Variants in IQUB observed in about 807,000 individuals in gnomAD.
IQUB encodes the protein IQ motif and ubiquitin domain containing.
In IQUB, 86 loss-of-function variants were observed where a neutral mutation model predicts 86.4. The ratio of observed to expected loss-of-function variants is 1.00; its 90% CI spans 0.84 to 1.19. The LOEUF (loss-of-function observed/expected upper bound fraction) is 1.19. Ranked by LOEUF, IQUB falls within the 50% of genes most tolerant of loss-of-function variation. IQUB has a pLI of 0.00. For missense variants in IQUB, 946 were observed against 916.9 expected (o/e 1.03, Z -0.41); for synonymous variants, 289 against 304.5 (o/e 0.95, Z 0.53).
intron 9 of IQUB, among the ~76,000 whole-genome samples, chr7:123,468,765 G>T (rs911233285): frequency 2.0e-5 from 3 of 152,128 alleles, no homozygotes; most frequent in Non-Finnish European, 4.4e-5. Context: ...CTCTGAGTTT[G>T]TTTCTTGTTT....
chr7:123,489,586 T>C (rs974809406), intron 7 of IQUB, among the ~76,000 whole-genome samples: 4 of 151,754 alleles, frequency 2.6e-5, no homozygotes, highest in Admixed American at 1.3e-4. Context: ...CAAATAAAAC[T>C]TCCACATATT....
At chr7:123,494,609 G>T (rs1795631257) in intron 7 of IQUB, among the ~76,000 whole-genome samples, 1 of 152,100 alleles carries the variant, frequency 6.6e-6, no homozygotes. Context: ...TAAATCATAT[G>T]TGGACTTATA....
chr7:123,462,683 T>A (rs571891977), intron 10 of IQUB: 78 of 288,548 alleles, frequency 2.7e-4, no homozygotes, highest in South Asian at 2.3e-3. Flanking sequence ...TTACACATTT[T>A]GTTTATCTTG....
Position 123,512,175 on chromosome 7 carries a change from G to T in IQUB, c.166C>A (p.His56Asn), listed in dbSNP as rs768666128. ...ESGIEQFSESHAIHVEEQSDQ... is the reference protein window; with the variant it reads ...ESGIEQFSESNAIHVEEQSDQ... ...CTCTGCTCCTCAACATGTATTGCAT[G>T]GCTCTCACTGAATTGTTCTATTCCA... Residue 56 changes from histidine to asparagine, a missense_variant, in exon 2 of 13, where the codon CAT becomes AAT. Coordinates refer to ENST00000324698, the MANE Select transcript of IQUB (RefSeq NM_178827.5). 5 of 1,613,932 alleles carry T rather than the reference G, an allele frequency of 3.1e-6. No homozygotes were observed. In the Admixed American group the frequency reaches 8.3e-5, roughly 27 times the overall value.
intron 7 of IQUB, among the ~76,000 whole-genome samples, chr7:123,495,915 A>G (rs1046333596): frequency 6.6e-6 from 1 of 152,170 alleles, no homozygotes; most frequent in African/African-American, 2.4e-5. Flanking sequence ...TATTATTACT[A>G]AAGAAATAAC....
intron 1 of IQUB, among the ~76,000 whole-genome samples, chr7:123,527,375 G>A (rs1398093626): frequency 6.6e-6 from 1 of 152,196 alleles, no homozygotes; most frequent in Non-Finnish European, 1.5e-5. Flanking sequence ...CGTTCCTCTG[G>A]AGGAGGAGAG....
At chr7:123,454,880 GAT>G (rs59494468) in intron 12 of IQUB, among the ~76,000 whole-genome samples, 32,765 of 151,940 alleles carry the variant, frequency 0.22, 4,176 homozygotes, top group East Asian at 0.37. Context: ...TGTTAATCTT[GAT>G]TACCTGGCTG....
Position 123,503,062 on chromosome 7 carries a change from T to C in IQUB, c.749A>G (p.Lys250Arg). Residue 250 changes from lysine (K) to arginine (R), a missense_variant, in exon 5 of 13, where the codon AAA becomes AGA. Transcript: ENST00000324698. ...ATGTCTGAATCCACCAAGAAATGGT[T>C]TGTGAAAGTCAGATTTGACAATCTC... ...PVEIVKSDFH[K>R]PFLGGFRHKV... is the part of the protein sequence containing the mutation. 1.2e-6 allele frequency: 2 copies of C among 1,613,550 alleles called. No homozygotes were observed. The highest frequency in any genetic ancestry group is 8.5e-7 in the Non-Finnish European group (1 of 1,179,764).
At chr7:123,479,675 A>T in intron 8 of IQUB, 120 bp downstream of exon 8, 1 of 732,794 alleles carries the variant, frequency 1.4e-6, no homozygotes, top group South Asian at 1.9e-5. Context: ...GAAATATGTC[A>T]TCAAAATCCT....
intron 1 of IQUB, among the ~76,000 whole-genome samples, chr7:123,528,577 A>G (rs746780880): frequency 6.6e-6 from 1 of 152,138 alleles, no homozygotes; most frequent in Non-Finnish European, 1.5e-5. Context: ...ATCTCAGTGT[A>G]GGAGTCCATG....
intron 12 of IQUB, among the ~76,000 whole-genome samples, chr7:123,456,069 T>C (rs1200513758): frequency 1.3e-5 from 2 of 152,102 alleles, no homozygotes; most frequent in African/African-American, 4.8e-5. Context: ...TGAAAGTTAA[T>C]AGTTAAAAGA....
At chr7:123,515,628 GAACA>G (rs1401871506) in intron 1 of IQUB, among the ~76,000 whole-genome samples, 1 of 151,970 alleles carries the variant, frequency 6.6e-6, no homozygotes, top group East Asian at 1.9e-4. Flanking sequence ...TCAGCCCTGA[GAACA>G]AACACATAAA....
intron 8 of IQUB, among the ~76,000 whole-genome samples, chr7:123,472,845 T>TTTTTTCTTTGAAAGC (rs1303686010): frequency 6.6e-6 from 1 of 152,236 alleles, no homozygotes; most frequent in East Asian, 1.9e-4. Context: ...CCTTATTTCC[T>TTTTTTCTTTGAAAGC]TTTTTCTTTG....
At chr7:123,510,506 A>G (rs1483648662) in intron 2 of IQUB, among the ~76,000 whole-genome samples, 1 of 152,256 alleles carries the variant, frequency 6.6e-6, no homozygotes, top group Admixed American at 6.5e-5. Context: ...TTTAAATGTT[A>G]TTATAAAATG....
chr7:123,508,808 G>A (rs1023359462), intron 3 of IQUB, among the ~76,000 whole-genome samples: 4 of 152,048 alleles, frequency 2.6e-5, no homozygotes, highest in Admixed American at 2.0e-4. Flanking sequence ...TTGAGTTTTG[G>A]GTTTCCTTCT....
chr7:123,533,205 A>G (rs919417452), intron 1 of IQUB, among the ~76,000 whole-genome samples: 11 of 152,228 alleles, frequency 7.2e-5, no homozygotes, highest in Non-Finnish European at 1.2e-4. Flanking sequence ...GTTTTTTACT[A>G]TTAAAAATAG....
At chr7:123,509,843 T>G in intron 3 of IQUB, 58 bp downstream of exon 3, 1 of 1,414,784 alleles carries the variant, frequency 7.1e-7, no homozygotes, top group Non-Finnish European at 9.7e-7. Flanking sequence ...AAGATCTTGA[T>G]TGTTTACATG....
chr7:123,479,915 C>T lies in IQUB; in HGVS notation c.1290G>A (p.Arg430=), dbSNP rs1358052654. 1 of 1,612,994 alleles carries T rather than the reference C, an allele frequency of 6.2e-7. No homozygotes were observed. The highest frequency in any genetic ancestry group is 1.3e-5 in the African/African-American group (1 of 74,976). ...RINQSFTGAE[R]KAALCELLEK... ...CCAGAAGTTCACACAGAGCAGCTTT[C>T]CTTTCAGCTCCAGTAAAAGATTGGT... is the stretch of plus-strand genomic sequence containing the variant. Residue 430 remains arginine (R), a synonymous_variant, in exon 8 of 13, where the codon AGG becomes AGA. Coordinates refer to ENST00000324698, the MANE Select transcript of IQUB (RefSeq NM_178827.5).
chr7:123,526,593 T>A (rs1391873570), intron 1 of IQUB, among the ~76,000 whole-genome samples: 3 of 151,496 alleles, frequency 2.0e-5, no homozygotes, highest in African/African-American at 7.3e-5. Flanking sequence ...TATGTGTGTC[T>A]CTGCACGTGA....
Sources: allele counts gnomAD v4.1 joint callset (sites outside exome capture counted in the v4.1 genomes callset), GRCh38; gene constraint gnomAD v4.1.1; transcripts MANE v1.5; gene names NCBI Gene and HGNC (gene_info 2026-07-23, HGNC 2026-07-21).